The following EPC1 variants were observed in gnomAD, a reference collection of about 807,000 sequenced individuals.
EPC1 encodes enhancer of polycomb homolog 1.
Under a neutral mutation model 98.4 loss-of-function variants are expected in EPC1, and 12 were observed. That is an observed-to-expected ratio of 0.12 (90% CI 0.08 to 0.20). The LOEUF (loss-of-function observed/expected upper bound fraction) is 0.20, where lower values mean the gene tolerates loss of function less well. Among genes scored for constraint, EPC1 ranks in the 10% least tolerant of loss-of-function variants. The probability of loss-of-function intolerance (pLI) is 1.00; values close to 1 mark genes in which losing one functional copy is unlikely to be tolerated. For missense variants in EPC1, 729 were observed against 990.5 expected, an observed-to-expected ratio of 0.74 and a Z score of 3.54; for synonymous variants, 357 against 363.9, an observed-to-expected ratio of 0.98 and a Z score of 0.21.
Position 32,271,725 on chromosome 10 carries a change from C to G in EPC1, c.2198G>C (p.Arg733Pro). ...TTQVLIGNNI[R>P]LTVPSSVATV... ...GGCAACTGATGAAGGTACAGTTAAT[C>G]GAATGTTGTTCCCAATCAGAACCTG... Residue 733 changes from arginine to proline, a missense_variant, in exon 13 of 14, where the codon CGA becomes CCA. Transcript: ENST00000319778. The G allele has an allele frequency of 6.2e-7, 1 of 1,614,146 alleles. No individual in the cohort carries two copies. Among genetic ancestry groups the G allele is most frequent in the African/African-American group, 1.3e-5 (1 of 75,012 alleles).
chr10:32,321,474 T>A (rs771956057), intron 1 of EPC1, among the ~76,000 whole-genome samples: 6 of 152,054 alleles, frequency 3.9e-5, no homozygotes, highest in African/African-American at 7.2e-5. Flanking sequence ...TGCCTCTGCC[T>A]CCTAAGTAGC....
At chr10:32,315,943 T>G (rs1836524150) in intron 1 of EPC1, among the ~76,000 whole-genome samples, 2 of 152,194 alleles carry the variant, frequency 1.3e-5, no homozygotes, top group South Asian at 4.1e-4. Flanking sequence ...GTCCTTAAAA[T>G]TGCTTCCAAG....
At chr10:32,343,766 A>G (rs1301847093) in intron 1 of EPC1, among the ~76,000 whole-genome samples, 4 of 151,810 alleles carry the variant, frequency 2.6e-5, no homozygotes, top group African/African-American at 9.7e-5. Context: ...CCGTGTGTGC[A>G]GCTCATAGTA....
At chr10:32,346,729 T>C (rs762369641) in intron 1 of EPC1, 34 bp downstream of exon 1, 5 of 1,600,336 alleles carry the variant, frequency 3.1e-6, no homozygotes, top group Non-Finnish European at 4.3e-6. Context: ...GGAGCGGGCC[T>C]GACGGTGGGT....
chr10:32,309,568 G>A (rs560764521), intron 1 of EPC1, among the ~76,000 whole-genome samples: 2 of 147,760 alleles, frequency 1.4e-5, no homozygotes, highest in South Asian at 4.3e-4. Flanking sequence ...AAACAACACA[G>A]CCTTGGGCTG....
intron 4 of EPC1, 107 bp downstream of exon 4, chr10:32,292,881 T>C: frequency 4.9e-6 from 4 of 818,674 alleles, no homozygotes; most frequent in South Asian, 2.6e-5. Context: ...TTTCTTATAA[T>C]TGGAAAGTCA....
At chr10:32,280,762 A>G (rs201715638) in intron 10 of EPC1, among the ~76,000 whole-genome samples, 1 of 152,028 alleles carries the variant, frequency 6.6e-6, no homozygotes, top group Non-Finnish European at 1.5e-5. Flanking sequence ...CATAAAAACA[A>G]TGAATAATCA....
chr10:32,306,011 G>T, intron 1 of EPC1, 80 bp from the exon 2 acceptor site: 1 of 1,290,254 alleles, frequency 7.8e-7, no homozygotes. Flanking sequence ...AGGTTTTTTT[G>T]GCTCATTTGT....
At chr10:32,348,158 C>T (rs140248981), upstream of EPC1, among the ~76,000 whole-genome samples, 5 of 152,264 alleles carry the variant, frequency 3.3e-5, no homozygotes, top group African/African-American at 1.2e-4. Flanking sequence ...AAAGACCTGT[C>T]GTACTCCCGC....
At chr10:32,337,176 T>C (rs1181785788) in intron 1 of EPC1, among the ~76,000 whole-genome samples, 1 of 152,214 alleles carries the variant, frequency 6.6e-6, no homozygotes, top group African/African-American at 2.4e-5. Flanking sequence ...TCAATCTTTG[T>C]TAGGGCAAGT....
chr10:32,292,052 T>C (rs1000832876), intron 5 of EPC1: 4 of 152,272 alleles, frequency 2.6e-5, no homozygotes, highest in African/African-American at 9.6e-5. Context: ...TCTTTGGGGA[T>C]AGGGACTAGA....
At chr10:32,345,205 A>C (rs1838681871) in intron 1 of EPC1, 1 of 985,244 alleles carries the variant, frequency 1.0e-6, no homozygotes, top group Non-Finnish European at 1.2e-6. Flanking sequence ...AAGTAAAATA[A>C]ATTAAGAGGT....
chr10:32,372,573 ACAAATGTATCAGAAG>A (rs1233509859), intron 1 of EPC1, among the ~76,000 whole-genome samples: 1 of 152,258 alleles, frequency 6.6e-6, no homozygotes, highest in African/African-American at 2.4e-5. Context: ...AAGTACAAGT[ACAAATGTATCAGAAG>A]CAAATTCGAC....
At chr10:32,360,590 T>C (rs1839414153) in intron 1 of EPC1, among the ~76,000 whole-genome samples, 1 of 152,180 alleles carries the variant, frequency 6.6e-6, no homozygotes, top group African/African-American at 2.4e-5. Context: ...GCAGTAGGAC[T>C]CTATAGAAAG....
intron 2 of EPC1, among the ~76,000 whole-genome samples, chr10:32,299,540 C>CCATCATCATCAT (rs5784280): frequency 3.4e-4 from 50 of 148,386 alleles, no homozygotes; most frequent in African/African-American, 4.5e-4. Flanking sequence ...CCCCAAGCCT[C>CCATCATCATCAT]CATCATCATC....
At chr10:32,270,544 G>A (rs1019805623) in intron 13 of EPC1, among the ~76,000 whole-genome samples, 5 of 152,034 alleles carry the variant, frequency 3.3e-5, no homozygotes, top group Non-Finnish European at 5.9e-5. Context: ...ATAGCTTAAC[G>A]CCGGGCGTGG....
intron 2 of EPC1, among the ~76,000 whole-genome samples, chr10:32,296,958 T>C (rs1835206998): frequency 6.6e-6 from 1 of 151,538 alleles, no homozygotes; most frequent in Admixed American, 6.6e-5. Context: ...TGTTCATATA[T>C]AGAATACCAA....
intron 1 of EPC1, among the ~76,000 whole-genome samples, chr10:32,324,090 C>G (rs980529620): frequency 6.6e-6 from 1 of 151,968 alleles, no homozygotes; most frequent in Admixed American, 6.6e-5. Context: ...CGCCCGCCAC[C>G]ACGCCTGGCT....
Position 32,271,578 on chromosome 10 carries a change from G to A in EPC1, c.2345C>T (p.Ser782Leu). ...CCTTGGAACTGAATCTACAGAGGAT[G>A]AAGATGGGACCTTGGAAACTTGACA... The part of the protein sequence containing the change: ...ANCQVSKVPS[S>L]SSVDSVPREN... Residue 782 changes from serine (S) to leucine (L), a missense_variant, in exon 13 of 14, where the codon TCA becomes TTA. Transcript: ENST00000319778. 1 of 1,614,146 alleles carries A rather than the reference G, an allele frequency of 6.2e-7. No individual in the cohort carries two copies. Among genetic ancestry groups the A allele is most frequent in the South Asian group, 1.1e-5 (1 of 91,078 alleles).
Sources: gnomAD v4.1 joint callset for allele counts (sites outside exome capture counted in the v4.1 genomes callset) on GRCh38, gnomAD v4.1.1 for gene constraint, MANE v1.5 for transcripts, NCBI Gene and HGNC (gene_info 2026-07-23, HGNC 2026-07-21) for gene names.